Variants in CDCA2 observed in about 807,000 individuals in gnomAD.
The protein encoded by CDCA2 is cell division cycle associated 2.
Under a neutral mutation model 67.0 loss-of-function variants are expected in CDCA2, and 44 were observed. The observed-to-expected ratio is 0.66, with a 90% confidence interval of 0.52 to 0.84. The LOEUF is 0.84. Ranked by LOEUF, CDCA2 falls within the 40% of genes least tolerant of loss-of-function variation. The pLI, the probability that CDCA2 is intolerant of heterozygous loss-of-function variation, is 0.00. For missense variants in CDCA2, 1,253 were observed against 1,203.2 expected, an observed-to-expected ratio of 1.04 and a Z score of -0.61; for synonymous variants, 447 against 418.7, an observed-to-expected ratio of 1.07 and a Z score of -0.82.
At chr8:25,463,304 A>G (rs1488144186) in intron 4 of CDCA2, among the ~76,000 whole-genome samples, 1 of 152,180 alleles carries the variant, frequency 6.6e-6, no homozygotes, top group Non-Finnish European at 1.5e-5. Context: ...TGTGCTACAT[A>G]ATGACATTTT....
intron 5 of CDCA2, 34 bp downstream of exon 5, chr8:25,466,359 A>G: frequency 2.0e-6 from 3 of 1,526,138 alleles, no homozygotes; most frequent in Non-Finnish European, 1.8e-6. Context: ...TTTTGACTTC[A>G]ATATTTATAA....
intron 13 of CDCA2, among the ~76,000 whole-genome samples, chr8:25,495,528 C>T (rs1033118875): frequency 2.0e-5 from 3 of 152,032 alleles, no homozygotes; most frequent in Admixed American, 6.5e-5. Flanking sequence ...CATTCTCCTG[C>T]CTCGGCCTCC....
In CDCA2 at chr8:25,507,157, A is replaced by G. The variant is rs368360076; in HGVS notation, c.2491A>G (p.Arg831Gly). 6 of 1,614,084 alleles carry G rather than the reference A, an allele frequency of 3.7e-6. No homozygotes were observed. In the African/African-American group the frequency reaches 8.0e-5, roughly 22 times the overall value. Residue 831 changes from arginine to glycine, a missense_variant, in exon 15 of 15, where the codon AGA (arginine) becomes GGA (glycine). Physicochemically the swap from Arg to Gly is moderately radical, Grantham distance 125 (BLOSUM62 -2). Transcript: ENST00000330560. ...VVSCRDRKDRRRSMCYSDGRS... is the reference protein window; with the variant it reads ...VVSCRDRKDRGRSMCYSDGRS... ...GAGTTGCAGAGACAGGAAAGATAGA[A>G]GACGTTCCATGTGTTATTCTGATGG... is the stretch of plus-strand genomic sequence containing the variant.
At chr8:25,459,495 C>T (rs1352389998) in intron 1 of CDCA2, 22 bp downstream of exon 1, 1 of 152,398 alleles carries the variant, frequency 6.6e-6, no homozygotes, top group East Asian at 1.9e-4. Context: ...TCCGCGCTGC[C>T]ACGGGGCTGT....
rs1350229122 is a variant in CDCA2 at position 25,469,950 on chromosome 8, C to A, written c.790C>A (p.Pro264Thr). 2 of 1,611,442 alleles carry A rather than the reference C, an allele frequency of 1.2e-6. No homozygotes were observed. The highest frequency in any genetic ancestry group is 1.3e-5 in the African/African-American group (1 of 75,010). Residue 264 changes from proline (P) to threonine (T), a missense_variant, in exon 7 of 15, where the codon CCC becomes ACC. Coordinates refer to ENST00000330560, the MANE Select transcript of CDCA2 (RefSeq NM_152562.4). ...QSGFLVEESL[P>T]LSELTETSNA... ...TGGATTTTTAGTTGAAGAGTCTCTT[C>A]CCCTTTCAGAGCTCACAGAGACTTC... is the stretch of plus-strand genomic sequence containing the variant.
At chr8:25,480,948 T>G (rs1294270953) in intron 8 of CDCA2, among the ~76,000 whole-genome samples, 2 of 152,172 alleles carry the variant, frequency 1.3e-5, no homozygotes, top group Non-Finnish European at 2.9e-5. Context: ...TCACCACGAG[T>G]GTCTGGCACT....
At position 25,484,065 on chromosome 8, in the gene CDCA2, CTT is replaced by C. The variant is rs768739263; in HGVS notation, c.1222_1223del (p.Leu408AlafsTer8). 1.9e-6 allele frequency: 3 copies of C among 1,614,182 alleles called. No individual in the cohort carries two copies. In the South Asian group the frequency reaches 3.3e-5, roughly 18 times the overall value. On this transcript the variant is annotated frameshift_variant, in exon 10 of 15. Transcript: ENST00000330560. LOFTEE classifies it high-confidence loss of function. ...TTAAGCCCGGAAGTGTTTGATGAAT[CTT>C]TGCCAGCAAATACTCCATTGCGTAA...
At chr8:25,467,165 TC>T (rs201834278) in intron 5 of CDCA2, among the ~76,000 whole-genome samples, 3,402 of 150,472 alleles carry the variant, frequency 0.023, 58 homozygotes, top group East Asian at 0.063. Flanking sequence ...CTTTTTTTTT[TC>T]CCCCCCAATC....
Position 25,483,479 on chromosome 8 carries a change from A to G in CDCA2, c.1113A>G (p.Lys371=), listed in dbSNP as rs1803648352. ...ATCTCCCAAACTGTTGCAAAGAGAA[A>G]GAAGCAGGTAAGAAATTCATACTTG... ...ISNLPNCCKE[K]EAEDEENFEA... The change falls in exon 9 of 15, where the codon AAA becomes AAG. Residue 371 remains lysine, a synonymous_variant. Coordinates refer to ENST00000330560, the MANE Select transcript of CDCA2 (RefSeq NM_152562.4). The G allele has an allele frequency of 1.2e-6, 2 of 1,607,954 alleles. No homozygotes were observed. The highest frequency in any genetic ancestry group is 1.7e-6 in the Non-Finnish European group (2 of 1,176,246).
At chr8:25,490,107 T>A (rs1383463778) in intron 13 of CDCA2, among the ~76,000 whole-genome samples, 1 of 152,122 alleles carries the variant, frequency 6.6e-6, no homozygotes, top group Non-Finnish European at 1.5e-5. Flanking sequence ...GGTCACACAC[T>A]CTTGATAAAA....
intron 7 of CDCA2, 128 bp downstream of exon 7, chr8:25,470,108 A>G: frequency 1.7e-6 from 1 of 577,238 alleles, no homozygotes; most frequent in Non-Finnish European, 3.1e-6. Flanking sequence ...ATGGCCTAGT[A>G]GAAATGCTTC....
In CDCA2 at chr8:25,507,148, A is replaced by G; in HGVS notation, c.2482A>G (p.Lys828Glu). The G allele has an allele frequency of 6.2e-7, 1 of 1,614,178 alleles. No individual in the cohort carries two copies. Among genetic ancestry groups the G allele is most frequent in the Non-Finnish European group, 8.5e-7 (1 of 1,180,018 alleles). ...CAGTGTTGTGAGTTGCAGAGACAGG[A>G]AAGATAGAAGACGTTCCATGTGTTA... ...SSSVVSCRDR[K>E]DRRRSMCYSD... Residue 828 changes from lysine (K) to glutamate (E), a missense_variant, in exon 15 of 15, where the codon AAA becomes GAA. Lys to Glu is a moderately conservative substitution (Grantham distance 56). Coordinates refer to ENST00000330560, the MANE Select transcript of CDCA2 (RefSeq NM_152562.4).
chr8:25,469,981 G>C lies in CDCA2; in HGVS notation c.820+1G>C, dbSNP rs1213455733. 1.3e-6 allele frequency: 2 copies of C among 1,593,398 alleles called. No homozygotes were observed. Among genetic ancestry groups the C allele is most frequent in the East Asian group, 2.2e-5 (1 of 44,662 alleles). ...TCAGAGCTCACAGAGACTTCAAATG[G>C]TAAGTAATCTTTTCTTAGTACATGG... is the stretch of plus-strand genomic sequence containing the variant. On this transcript the variant is annotated splice_donor_variant, in intron 7 of 14. Coordinates refer to ENST00000330560, the MANE Select transcript of CDCA2 (RefSeq NM_152562.4). LOFTEE classifies it high-confidence loss of function.
intron 14 of CDCA2, among the ~76,000 whole-genome samples, chr8:25,504,840 T>C (rs1445470027): frequency 6.6e-6 from 1 of 152,212 alleles, no homozygotes; most frequent in Non-Finnish European, 1.5e-5. Flanking sequence ...TCACCTAGTT[T>C]TATGATGATC....
In CDCA2 at chr8:25,503,430, T is replaced by G; in HGVS notation, c.1729T>G (p.Leu577Val). Residue 577 changes from leucine to valine, a missense_variant, in exon 14 of 15, where the codon TTA becomes GTA. Coordinates refer to ENST00000330560, the MANE Select transcript of CDCA2 (RefSeq NM_152562.4). The part of the protein sequence containing the change: ...GKGKKSVQKS[L>V]YGERDIASKK... ...GGGAAAGAAAAGTGTTCAGAAATCT[T>G]TATATGGGGAAAGAGACATTGCTTC... 6.2e-7 allele frequency: 1 copy of G among 1,614,054 alleles called. No homozygotes were observed. Among genetic ancestry groups the G allele is most frequent in the Non-Finnish European group, 8.5e-7 (1 of 1,179,934 alleles).
intron 1 of CDCA2, 23 bp downstream of exon 1, chr8:25,459,496 A>G (rs1218953333): frequency 6.6e-6 from 1 of 152,392 alleles, no homozygotes; most frequent in African/African-American, 2.4e-5. Context: ...CCGCGCTGCC[A>G]CGGGGCTGTT....
In CDCA2 at chr8:25,483,499, T is replaced by C; in HGVS notation, c.1120+13T>C. Reference sequence around the variant, plus strand: ...GAGAAAGAAGCAGGTAAGAAATTCATACTTGTTTTTAAGCTTGAGGATATC... The same window carrying C: ...GAGAAAGAAGCAGGTAAGAAATTCACACTTGTTTTTAAGCTTGAGGATATC... On this transcript the variant is annotated intron_variant, in intron 9 of 14. Transcript: ENST00000330560. The C allele has an allele frequency of 3.2e-6, 5 of 1,578,540 alleles. No homozygotes were observed. The highest frequency in any genetic ancestry group is 3.5e-6 in the Non-Finnish European group (4 of 1,153,268).
intron 7 of CDCA2, among the ~76,000 whole-genome samples, chr8:25,478,888 G>GTGTATA (rs1006353040): frequency 3.6e-5 from 4 of 111,602 alleles, no homozygotes; most frequent in South Asian, 2.8e-4. Context: ...TTGTGTGTGT[G>GTGTATA]TATATATATA....
At chr8:25,502,830 A>G (rs1413218606) in intron 13 of CDCA2, among the ~76,000 whole-genome samples, 4 of 152,146 alleles carry the variant, frequency 2.6e-5, no homozygotes, top group Non-Finnish European at 4.4e-5. Flanking sequence ...AAGCTACCAT[A>G]CAATTTATAA....
Sources: allele counts gnomAD v4.1 joint callset (sites outside exome capture counted in the v4.1 genomes callset), GRCh38; gene constraint gnomAD v4.1.1; transcripts MANE v1.5; gene names NCBI Gene and HGNC (gene_info 2026-07-23, HGNC 2026-07-21).